Variants in CD47 observed in about 807,000 individuals in gnomAD.
CD47 encodes CD47 molecule.
CD47 carries 11 observed loss-of-function variants against 44.6 expected under a neutral mutation model. The ratio of observed to expected loss-of-function variants is 0.25; its 90% CI spans 0.16 to 0.41. The LOEUF (loss-of-function observed/expected upper bound fraction) is 0.41, where lower values mean the gene tolerates loss of function less well. Among genes scored for constraint, CD47 ranks in the 10% least tolerant of loss-of-function variants. CD47 has a pLI of 1.00. For synonymous variants in CD47, 140 were observed against 136.3 expected, an observed-to-expected ratio of 1.03 and a Z score of -0.19; for missense variants, 306 against 386.7, an observed-to-expected ratio of 0.79 and a Z score of 1.75.
rs1235601180 is a variant in CD47, at chr3:108,043,550, A to G, written c.*3738T>C. ...AGCACACCTTTAATTGCTATGCAAAAAAGCTCCAAGAGAGGATCTTGCACA... is the reference window on the plus strand; with the variant it reads ...AGCACACCTTTAATTGCTATGCAAAGAAGCTCCAAGAGAGGATCTTGCACA... On this transcript the variant is annotated 3_prime_UTR_variant, in exon 11 of 11. Transcript: ENST00000361309. 6.6e-6 allele frequency: 1 copy of G among 152,632 alleles called. No individual in the cohort carries two copies. The highest frequency in any genetic ancestry group is 1.5e-5 in the Non-Finnish European group (1 of 68,040). The allele number at this position is 152,632 out of a possible 1,614,324, so 9.5% of individuals were successfully genotyped here.
chr3:108,074,515 T>C (rs2079269328), intron 2 of CD47, among the ~76,000 whole-genome samples: 1 of 151,960 alleles, frequency 6.6e-6, no homozygotes, highest in African/African-American at 2.4e-5. Flanking sequence ...GGTTTTATCA[T>C]GTTGGCCAGG....
chr3:108,070,069 C>T (rs1024812947), intron 3 of CD47, among the ~76,000 whole-genome samples: 2 of 152,120 alleles, frequency 1.3e-5, no homozygotes, highest in East Asian at 1.9e-4. Context: ...GAATGCCATA[C>T]ACTGAGAAAA....
intron 4 of CD47, 70 bp from the exon 5 acceptor site, chr3:108,059,614 G>A (rs2078976332): frequency 1.4e-6 from 1 of 714,240 alleles, no homozygotes; most frequent in African/African-American, 1.9e-5. Flanking sequence ...TAAATTCTGT[G>A]CTTGACAACT....
intron 7 of CD47, chr3:108,053,591 C>T (rs530475125): frequency 6.6e-6 from 1 of 152,398 alleles, no homozygotes; most frequent in African/African-American, 2.4e-5. Context: ...AGGGGCATCA[C>T]CTTACTCTTG....
At chr3:108,079,411 A>T (rs1391977347) in intron 2 of CD47, among the ~76,000 whole-genome samples, 1 of 151,786 alleles carries the variant, frequency 6.6e-6, no homozygotes, top group East Asian at 1.9e-4. Flanking sequence ...TAGTTCTCTC[A>T]TATTTTGGCC....
rs554331742 is a variant in CD47, at chr3:108,063,939, T to A, written c.491-3087A>T. On this transcript the variant is annotated intron_variant, in intron 3 of 10. Coordinates refer to ENST00000361309, the MANE Select transcript of CD47 (RefSeq NM_001777.4). ...ATACCAAGTATCAGGGGAGACAATA[T>A]AACATTTTTGTGAACAAATTAGGTA... Among the ~76,000 whole-genome samples the A allele has an allele frequency of 2.6e-5, 4 of 152,322 alleles. No individual in the cohort carries two copies. In the South Asian group the frequency reaches 8.3e-4, roughly 32 times the overall value.
At chr3:108,069,216 C>A (rs965650070) in intron 3 of CD47, among the ~76,000 whole-genome samples, 1 of 152,074 alleles carries the variant, frequency 6.6e-6, no homozygotes, top group African/African-American at 2.4e-5. Context: ...ATATCTTTAG[C>A]AGAGTTATTT....
At chr3:108,049,756 T>C (rs1412940937) in intron 9 of CD47, 105 bp from the exon 10 acceptor site, 2 of 760,426 alleles carry the variant, frequency 2.6e-6, no homozygotes, top group East Asian at 5.0e-5. Flanking sequence ...TCTACAACTC[T>C]ACAGCCAAAT....
At chr3:108,058,898 T>A (rs1463182205) in intron 5 of CD47, among the ~76,000 whole-genome samples, 1 of 152,234 alleles carries the variant, frequency 6.6e-6, no homozygotes, top group African/African-American at 2.4e-5. Context: ...AGACCAAGTG[T>A]TAAATGTGAC....
At chr3:108,089,754 G>A (rs2079591993) in intron 1 of CD47, among the ~76,000 whole-genome samples, 1 of 152,056 alleles carries the variant, frequency 6.6e-6, no homozygotes, top group Non-Finnish European at 1.5e-5. Flanking sequence ...AAGCCTTTAG[G>A]AACGGCACAC....
At chr3:108,073,863 T>A (rs555064897) in intron 2 of CD47, among the ~76,000 whole-genome samples, 7 of 152,166 alleles carry the variant, frequency 4.6e-5, no homozygotes, top group Non-Finnish European at 1.0e-4. Flanking sequence ...ACAAACGCAG[T>A]CCTGAGCTCA....
Position 108,084,833 on chromosome 3 carries a change from G to C in CD47, c.47-4489C>G, listed in dbSNP as rs1177714243. Among the ~76,000 whole-genome samples the C allele has an allele frequency of 2.0e-5, 3 of 151,996 alleles. No individual in the cohort carries two copies. In the East Asian group the frequency reaches 5.8e-4, roughly 29 times the overall value. The stretch of plus-strand genomic sequence containing the variant: ...TTAATAGTTCCTAAATCCAATGTCT[G>C]TTGAATGAATGAATTAGACACTCAT... On this transcript the variant is annotated intron_variant, in intron 1 of 10. Coordinates refer to ENST00000361309, the MANE Select transcript of CD47 (RefSeq NM_001777.4).
intron 3 of CD47, among the ~76,000 whole-genome samples, chr3:108,061,280 A>G (rs1309591154): frequency 6.6e-6 from 1 of 151,244 alleles, no homozygotes; most frequent in African/African-American, 2.4e-5. Flanking sequence ...AGACATTGTC[A>G]ATGCCCCCGA....
At chr3:108,049,059 A>T (rs1024521497) in intron 10 of CD47, among the ~76,000 whole-genome samples, 1 of 148,338 alleles carries the variant, frequency 6.7e-6, no homozygotes, top group African/African-American at 2.5e-5. Flanking sequence ...CAGAGTTCTT[A>T]AAAAAAAAAT....
Position 108,047,236 on chromosome 3 carries a change from T to A in CD47, c.*52A>T. On this transcript the variant is annotated 3_prime_UTR_variant, in exon 11 of 11. Coordinates refer to ENST00000361309, the MANE Select transcript of CD47 (RefSeq NM_001777.4). ...GCCATGGTGCTTAAACACAAGTGTA[T>A]TCCTTTCACGTCTTACTACTCTCCA... The A allele has an allele frequency of 1.3e-6, 2 of 1,524,360 alleles. No individual in the cohort carries two copies. Among genetic ancestry groups the A allele is most frequent in the Admixed American group, 1.7e-5 (1 of 57,312 alleles). 94.4% of individuals were successfully genotyped at this position (1,524,360 alleles called of 1,614,324 possible).
At chr3:108,073,187 A>T (rs923024714) in intron 2 of CD47, among the ~76,000 whole-genome samples, 2 of 152,064 alleles carry the variant, frequency 1.3e-5, no homozygotes, top group Non-Finnish European at 2.9e-5. Context: ...TCTCATAGTC[A>T]AGATGAGCTG....
chr3:108,047,626 T>C (rs1276627304), intron 10 of CD47, among the ~76,000 whole-genome samples: 1 of 152,250 alleles, frequency 6.6e-6, no homozygotes, highest in Non-Finnish European at 1.5e-5. Flanking sequence ...ATCTCCATCA[T>C]TCATTTAATG....
chr3:108,058,622 G>A (rs1390908163), intron 5 of CD47, among the ~76,000 whole-genome samples, 193 bp from the exon 6 acceptor site: 4 of 152,036 alleles, frequency 2.6e-5, no homozygotes, highest in South Asian at 2.1e-4. Context: ...TCACACATTC[G>A]GCAGCCTTTA....
In CD47 at chr3:108,057,579, C is replaced by T. The variant is rs754440697; in HGVS notation, c.785-10G>A. ...TGCATTGGTATACACGCTGTAAAAA[C>T]AAATAAAATTCTGTATTAGAAAAGC... On this transcript the variant is annotated splice_polypyrimidine_tract_variant and intron_variant, in intron 6 of 10. Transcript: ENST00000361309. The T allele has an allele frequency of 5.3e-6, 7 of 1,327,462 alleles. No individual in the cohort carries two copies. In the African/African-American group the frequency reaches 1.0e-4, roughly 19 times the overall value. 82.2% of individuals were successfully genotyped at this position (1,327,462 alleles called of 1,614,324 possible). A position where few individuals can be genotyped will look rare whatever the true frequency, so the allele number is the denominator to read the frequency against.
Sources: allele counts gnomAD v4.1 joint callset (sites outside exome capture counted in the v4.1 genomes callset), GRCh38; gene constraint gnomAD v4.1.1; transcripts MANE v1.5; gene names NCBI Gene and HGNC (gene_info 2026-07-23, HGNC 2026-07-21).